LLPH: variants seen among roughly 807,000 people sequenced by gnomAD.
LLPH encodes the protein LLP homolog, long-term synaptic facilitation factor, also known as protein LLP homolog.
Under a neutral mutation model 13.3 loss-of-function variants are expected in LLPH, and 5 were observed. The ratio of observed to expected loss-of-function variants is 0.38; its 90% CI spans 0.20 to 0.79. The LOEUF is 0.79. LLPH is among the 30% of genes least tolerant of loss of function. The probability of loss-of-function intolerance (pLI) is 0.45; values close to 1 mark genes in which losing one functional copy is unlikely to be tolerated. For missense variants in LLPH, 129 were observed against 152.1 expected, an observed-to-expected ratio of 0.85 and a Z score of 0.80; for synonymous variants, 32 against 44.2, an observed-to-expected ratio of 0.72 and a Z score of 1.09.
rs1300153567 is a variant in LLPH at position 66,120,782 on chromosome 12, C to T, written c.*3058G>A. The stretch of plus-strand genomic sequence containing the variant: ...AAGATAAAAGGACTATGCTATACTT[C>T]TCGATTTGTAATCTTTAAAAATAAA... On this transcript the variant is annotated 3_prime_UTR_variant, in exon 3 of 3. Coordinates refer to ENST00000266604, the MANE Select transcript of LLPH (RefSeq NM_032338.4). The T allele has an allele frequency of 2.0e-5, 3 of 152,180 alleles. No homozygotes were observed. The highest frequency in any genetic ancestry group is 7.2e-5 in the African/African-American group (3 of 41,434). 9.4% of individuals were successfully genotyped at this position (152,180 alleles called of 1,614,324 possible).
chr12:66,125,546 C>A (rs779997002), intron 2 of LLPH, among the ~76,000 whole-genome samples: 2 of 152,092 alleles, frequency 1.3e-5, no homozygotes, highest in Non-Finnish European at 2.9e-5. Context: ...CCCTTTAGCT[C>A]CTAAAATATC....
intron 2 of LLPH, among the ~76,000 whole-genome samples, chr12:66,128,626 T>C (rs933026285): frequency 2.0e-5 from 3 of 152,146 alleles, no homozygotes; most frequent in Admixed American, 2.0e-4. Context: ...CCACTCTAAA[T>C]AATCCAAAAC....
In LLPH at chr12:66,123,354, T is replaced by A. The variant is rs2051475859; in HGVS notation, c.*486A>T. The A allele has an allele frequency of 6.5e-6, 1 of 154,854 alleles. No individual in the cohort carries two copies. Among genetic ancestry groups the A allele is most frequent in the Non-Finnish European group, 1.4e-5 (1 of 70,040 alleles). 9.6% of individuals were successfully genotyped at this position (154,854 alleles called of 1,614,324 possible). ...TGTATTAGCCAGGCTAGTCTCGAACTGACCTCGTGATCCACCTGCCTCGGC... is the reference window on the plus strand; with the variant it reads ...TGTATTAGCCAGGCTAGTCTCGAACAGACCTCGTGATCCACCTGCCTCGGC... On this transcript the variant is annotated 3_prime_UTR_variant, in exon 3 of 3. Transcript: ENST00000266604.
Position 66,123,418 on chromosome 12 carries a change from C to G in LLPH, c.*422G>C, listed in dbSNP as rs1167955451. 6.2e-6 allele frequency: 1 copy of G among 160,476 alleles called. No homozygotes were observed. Among genetic ancestry groups the G allele is most frequent in the African/African-American group, 2.4e-5 (1 of 41,520 alleles). The allele number at this position is 160,476 out of a possible 1,614,324, so 9.9% of individuals were successfully genotyped here. ...GGGATTACAGGTGTGAGCCACCATG[C>G]CCAGCCCTAATGTAGTATTTTTAAA... On this transcript the variant is annotated 3_prime_UTR_variant, in exon 3 of 3. Coordinates refer to ENST00000266604, the MANE Select transcript of LLPH (RefSeq NM_032338.4).
chr12:66,125,664 G>A lies in LLPH; in HGVS notation c.212-1646C>T, dbSNP rs544811781. Among the ~76,000 whole-genome samples, 15 of 152,184 alleles carry A rather than the reference G, an allele frequency of 9.9e-5. No homozygotes were observed. The East Asian group carries it at 1.5e-3, about 16-fold the overall frequency. On this transcript the variant is annotated intron_variant, in intron 2 of 2. Coordinates refer to ENST00000266604, the MANE Select transcript of LLPH (RefSeq NM_032338.4). ...ACAGATTCTGATACAGGAGATCTCC[G>A]AATAAAACCTCCTGGAGCCATTCCA...
At position 66,123,940 on chromosome 12, in the gene LLPH, A is replaced by C; in HGVS notation, c.290T>G (p.Met97Arg). ...CAGCCTTTTTCTTTGCCTTTGGTTC[A>C]TCCATATTGGGTACTGTCCATGCTG... The part of the protein sequence containing the change: ...LDQHGQYPIW[M>R]NQRQRKRLKA... The change falls in exon 3 of 3, where the codon ATG becomes AGG. Residue 97 changes from methionine to arginine, a missense_variant. Met to Arg is a moderately conservative substitution (Grantham distance 91). Transcript: ENST00000266604. The C allele has an allele frequency of 6.2e-7, 1 of 1,612,838 alleles. No individual in the cohort carries two copies. The highest frequency in any genetic ancestry group is 1.3e-5 in the African/African-American group (1 of 74,964).
rs770343123 is a variant in LLPH at position 66,123,898 on chromosome 12, T to C, written c.332A>G (p.Lys111Arg). The change falls in exon 3 of 3, where the codon AAA (lysine) becomes AGA (arginine). Residue 111 changes from lysine to arginine, a missense_variant. Physicochemically the swap from Lys to Arg is conservative, Grantham distance 26. Transcript: ENST00000266604. ...QRKRLKAKRE[K>R]RKGKSKAKAV... The stretch of plus-strand genomic sequence containing the variant: ...TTTTGCTTTGCTTTTCCCCTTTCTT[T>C]TCTCTCGCTTTGCCTTCAGCCTTTT... The C allele has an allele frequency of 6.2e-7, 1 of 1,612,436 alleles. No homozygotes were observed. The highest frequency in any genetic ancestry group is 8.5e-7 in the Non-Finnish European group (1 of 1,179,784).
intron 2 of LLPH, among the ~76,000 whole-genome samples, chr12:66,125,607 C>T (rs2051491580): frequency 6.6e-6 from 1 of 152,094 alleles, no homozygotes; most frequent in South Asian, 2.1e-4. Flanking sequence ...GATAATTTCT[C>T]TCTGGGGATG....
At position 66,129,208 on chromosome 12, in the gene LLPH, A is replaced by G. The variant is rs75309083; in HGVS notation, c.-7-95T>C. 1.4e-3 allele frequency: 1,111 copies of G among 784,074 alleles called. 8 individuals carry two copies. The Middle Eastern group carries it at 0.015, about 10-fold the overall frequency. 48.6% of individuals were successfully genotyped at this position (784,074 alleles called of 1,614,324 possible). A position where few individuals can be genotyped will look rare whatever the true frequency, so the allele number is the denominator to read the frequency against. On this transcript the variant is annotated intron_variant, in intron 1 of 2. Coordinates refer to ENST00000266604, the MANE Select transcript of LLPH (RefSeq NM_032338.4). Reference sequence around the variant, plus strand: ...GAAAACCAGGCCAACAGGTATCTCTACAAAACAAGTGAAAAGTAAAACTCT... The same window carrying G: ...GAAAACCAGGCCAACAGGTATCTCTGCAAAACAAGTGAAAAGTAAAACTCT...
Position 66,121,890 on chromosome 12 carries a change from A to G in LLPH, c.*1950T>C, listed in dbSNP as rs1031417187. 4.0e-5 allele frequency: 6 copies of G among 151,590 alleles called. No homozygotes were observed. The highest frequency in any genetic ancestry group is 1.5e-4 in the African/African-American group (6 of 41,282). The allele number at this position is 151,590 out of a possible 1,614,324, so 9.4% of individuals were successfully genotyped here. A position where few individuals can be genotyped will look rare whatever the true frequency, so the allele number is the denominator to read the frequency against. ...CAGAGTGAGACCCCATCTCAAAAAA[A>G]AAAAAAAAAAAAACATAAATAATTC... On this transcript the variant is annotated 3_prime_UTR_variant, in exon 3 of 3. Coordinates refer to ENST00000266604, the MANE Select transcript of LLPH (RefSeq NM_032338.4).
chr12:66,118,910 C>T lies in LLPH; in HGVS notation c.*4930G>A, dbSNP rs1009223335. ...CGATAGATTCTGAAGGATAACTCTA[C>T]AGTGTTTGAATCCATTTTGCTACAT... On this transcript the variant is annotated 3_prime_UTR_variant, in exon 3 of 3. Coordinates refer to ENST00000266604, the MANE Select transcript of LLPH (RefSeq NM_032338.4). 2.0e-5 allele frequency: 3 copies of T among 152,184 alleles called. No homozygotes were observed. The highest frequency in any genetic ancestry group is 2.9e-5 in the Non-Finnish European group (2 of 68,038). 9.4% of individuals were successfully genotyped at this position (152,184 alleles called of 1,614,324 possible). A position where few individuals can be genotyped will look rare whatever the true frequency, so the allele number is the denominator to read the frequency against.
chr12:66,127,009 TC>T (rs1251051586), intron 2 of LLPH, among the ~76,000 whole-genome samples: 10 of 151,360 alleles, frequency 6.6e-5, no homozygotes, highest in African/African-American at 1.9e-4. Context: ...AAACTTCAAA[TC>T]AAAATTACAA....
Position 66,124,023 on chromosome 12 carries a change from A to G in LLPH, c.212-5T>C, listed in dbSNP as rs2051481086. The G allele has an allele frequency of 6.3e-7, 1 of 1,591,860 alleles. No individual in the cohort carries two copies. The highest frequency in any genetic ancestry group is 1.2e-5 in the South Asian group (1 of 86,828). ...CAGTCTCCATTTTCATGTCATCTGC[A>G]TAAAAAGATGGAAAAACTATTAACA... On this transcript the variant is annotated splice_polypyrimidine_tract_variant and splice_region_variant and intron_variant, in intron 2 of 2. Transcript: ENST00000266604.
At position 66,121,306 on chromosome 12, in the gene LLPH, G is replaced by C. The variant is rs1193360365; in HGVS notation, c.*2534C>G. 7.0e-6 allele frequency: 1 copy of C among 142,896 alleles called. No individual in the cohort carries two copies. The highest frequency in any genetic ancestry group is 1.5e-5 in the Non-Finnish European group (1 of 66,658). The allele number at this position is 142,896 out of a possible 1,614,324, so 8.9% of individuals were successfully genotyped here. A position where few individuals can be genotyped will look rare whatever the true frequency, so the allele number is the denominator to read the frequency against. On this transcript the variant is annotated 3_prime_UTR_variant, in exon 3 of 3. Transcript: ENST00000266604. ...TTTTTTTTTTTTTTTTTTTGAGATG[G>C]AGTTTCGCTCTTCTTGCTCAGGCTG... is the stretch of plus-strand genomic sequence containing the variant.
intron 2 of LLPH, among the ~76,000 whole-genome samples, chr12:66,128,333 G>A (rs185848048): frequency 6.6e-6 from 1 of 152,236 alleles, no homozygotes; most frequent in Admixed American, 6.5e-5. Context: ...TGTGCAAAAA[G>A]CAGCATTATA....
intron 2 of LLPH, among the ~76,000 whole-genome samples, chr12:66,126,097 G>C (rs2051494500): frequency 1.3e-5 from 2 of 152,052 alleles, no homozygotes; most frequent in Admixed American, 1.3e-4. Flanking sequence ...GGCCGAGGCG[G>C]GTGGATCACG....
At chr12:66,124,423 C>A (rs2051483869) in intron 2 of LLPH, among the ~76,000 whole-genome samples, 1 of 152,306 alleles carries the variant, frequency 6.6e-6, no homozygotes, top group African/African-American at 2.4e-5. Context: ...GAACGAACTT[C>A]TAATGAACTC....
intron 2 of LLPH, among the ~76,000 whole-genome samples, chr12:66,125,670 A>T (rs2051491943): frequency 6.6e-6 from 1 of 152,122 alleles, no homozygotes; most frequent in African/African-American, 2.4e-5. Context: ...CTCCGAATAA[A>T]ACCTCCTGGA....
Position 66,124,650 on chromosome 12 carries a change from G to A in LLPH, c.212-632C>T, listed in dbSNP as rs988121412. Among the ~76,000 whole-genome samples the A allele has an allele frequency of 5.9e-5, 9 of 152,188 alleles. No individual in the cohort carries two copies. The South Asian group carries it at 1.9e-3, about 32-fold the overall frequency. ...AGGACATGCTCAGAGTCCCTCACTG[G>A]GACCTCCTTATCAGGATACACAAAG... is the stretch of plus-strand genomic sequence containing the variant. On this transcript the variant is annotated intron_variant, in intron 2 of 2. Transcript: ENST00000266604.
Sources: allele counts gnomAD v4.1 joint callset (sites outside exome capture counted in the v4.1 genomes callset), GRCh38; gene constraint gnomAD v4.1.1; transcripts MANE v1.5; gene names NCBI Gene and HGNC (gene_info 2026-07-23, HGNC 2026-07-21).